The following LSP1 variants were observed in gnomAD, a reference collection of about 807,000 sequenced individuals.
LSP1 encodes lymphocyte-specific protein 1.
Under a neutral mutation model 49.3 loss-of-function variants are expected in LSP1, and 32 were observed. The observed-to-expected ratio is 0.65, with a 90% CI of 0.49 to 0.87. LSP1 has a LOEUF of 0.87. Among genes scored for constraint, LSP1 ranks in the 40% least tolerant of loss-of-function variants. LSP1 has a pLI of 0.00. For missense variants in LSP1, 428 were observed against 442.6 expected (o/e 0.97, Z 0.30); for synonymous variants, 179 against 178.8 (o/e 1.00, Z -0.01).
In LSP1 at chr11:1,857,357, G is replaced by A. The variant is rs555190701; in HGVS notation, c.53+4160G>A. 3.9e-5 allele frequency among the ~76,000 whole-genome samples: 6 copies of A among 152,340 alleles called. No individual in the cohort carries two copies. The East Asian group carries it at 1.2e-3, about 29-fold the overall frequency. On this transcript the variant is annotated intron_variant, in intron 1 of 10. Coordinates refer to ENST00000311604, the MANE Select transcript of LSP1 (RefSeq NM_002339.3). Reference sequence around the variant, plus strand: ...CCCTGGCCGGTGACACCCTGGGGTGGCAGGATGGTGGGCCTCTGCTCCGCT... The same window carrying A: ...CCCTGGCCGGTGACACCCTGGGGTGACAGGATGGTGGGCCTCTGCTCCGCT...
chr11:1,869,111 G>T, intron 1 of LSP1: 1 of 713,186 alleles, frequency 1.4e-6, no homozygotes, highest in Non-Finnish European at 1.7e-6. Flanking sequence ...TAGGGAGAAG[G>T]GTGAGGGGCT....
intron 4 of LSP1, 80 bp from the exon 5 acceptor site, chr11:1,883,852 A>G: frequency 1.5e-6 from 2 of 1,313,854 alleles, no homozygotes; most frequent in South Asian, 1.3e-5. Flanking sequence ...AAGGAACAGC[A>G]TTTGTTCCCA....
rs1055543915 is a variant in LSP1 at position 1,884,123 on chromosome 11, C to T, written c.591+99C>T. On this transcript the variant is annotated intron_variant, in intron 5 of 10. Transcript: ENST00000311604. This position sits in a 1 kb window ranked among gnomAD's most constrained non-coding sequence, Gnocchi z 4.1. The stretch of plus-strand genomic sequence containing the variant: ...CAGCCACAGGAAGACCAGGCCCAGG[C>T]CTGGCTTTTGTCTGCTATCCCCCCA... The T allele has an allele frequency of 2.7e-6, 4 of 1,465,230 alleles. No homozygotes were observed. The Admixed American group carries it at 5.2e-5, about 19-fold the overall frequency. 90.8% of individuals were successfully genotyped at this position (1,465,230 alleles called of 1,614,324 possible).
intron 1 of LSP1, chr11:1,868,841 C>T (rs1821066769): frequency 2.0e-6 from 2 of 985,874 alleles, no homozygotes; most frequent in Non-Finnish European, 2.4e-6. Context: ...CAGAGCTGGG[C>T]AGAGCGGCCA....
In LSP1 at chr11:1,883,496, C is replaced by T; in HGVS notation, c.434C>T (p.Pro145Leu). The change falls in exon 4 of 11, where the codon CCA becomes CTA. Residue 145 changes from proline (P) to leucine (L), a missense_variant. Transcript: ENST00000311604. Reference sequence around the variant, plus strand: ...GAGTTGAGTCTGAGCAAGGAGGGGCCAGGCCCAGAGGACACTGTCCAGGAC... The same window carrying T: ...GAGTTGAGTCTGAGCAAGGAGGGGCTAGGCCCAGAGGACACTGTCCAGGAC... ...LEELSLSKEG[P>L]GPEDTVQDNL... The T allele has an allele frequency of 6.2e-7, 1 of 1,614,000 alleles. No homozygotes were observed. Among genetic ancestry groups the T allele is most frequent in the Non-Finnish European group, 8.5e-7 (1 of 1,180,006 alleles).
chr11:1,859,194 G>T (rs931644408), intron 1 of LSP1, among the ~76,000 whole-genome samples: 1 of 152,126 alleles, frequency 6.6e-6, no homozygotes, highest in African/African-American at 2.4e-5. Flanking sequence ...AGACGCAGGG[G>T]CCTCTACACA....
intron 10 of LSP1, chr11:1,891,487 C>A (rs1205757810): frequency 6.6e-6 from 1 of 152,322 alleles, no homozygotes; most frequent in Non-Finnish European, 1.5e-5. Flanking sequence ...AACCCCAGTT[C>A]TAGCTCCCAG....
chr11:1,869,717 G>T (rs1163695233), intron 1 of LSP1: 1 of 470,772 alleles, frequency 2.1e-6, no homozygotes, highest in Non-Finnish European at 4.4e-6. Context: ...CTGGAGGAAC[G>T]CAGTGAGGCC....
At chr11:1,856,367 G>A (rs989247505) in intron 1 of LSP1, among the ~76,000 whole-genome samples, 13 of 152,242 alleles carry the variant, frequency 8.5e-5, no homozygotes, top group Non-Finnish European at 1.8e-4. Flanking sequence ...GCTCTTCCCA[G>A]TTTTGGAAGG....
At chr11:1,864,024 G>T (rs1193278516) in intron 1 of LSP1, 1 of 211,890 alleles carries the variant, frequency 4.7e-6, no homozygotes, top group African/African-American at 2.5e-5. Flanking sequence ...TGAACAAAGG[G>T]AAAGTGGAGA....
In LSP1 at chr11:1,876,965, C is replaced by T. The variant is rs543535248; in HGVS notation, c.54-3122C>T. The stretch of plus-strand genomic sequence containing the variant: ...TGGATGGAGCCCCCCCACCGCCTGG[C>T]CCCTTGGGCTGAACCTTGGGCTTCG... On this transcript the variant is annotated intron_variant, in intron 1 of 10. Transcript: ENST00000311604. 1.6e-3 allele frequency among the ~76,000 whole-genome samples: 250 copies of T among 152,312 alleles called. 1 individual carries two copies. Among genetic ancestry groups the T allele is most frequent in the Non-Finnish European group, 2.7e-3 (185 of 68,006 alleles).
chr11:1,861,986 G>A (rs1256502432), intron 1 of LSP1, among the ~76,000 whole-genome samples: 10 of 148,768 alleles, frequency 6.7e-5, no homozygotes, highest in Admixed American at 6.0e-4. Flanking sequence ...TAGATGGATG[G>A]GTGAATGGAT....
At position 1,884,345 on chromosome 11, in the gene LSP1, C is replaced by T. The variant is rs571028247; in HGVS notation, c.635+22C>T. 22 of 1,613,952 alleles carry T rather than the reference C, an allele frequency of 1.4e-5. No homozygotes were observed. In the South Asian group the frequency reaches 2.4e-4, roughly 18 times the overall value. ...AGAGGTCTGTCTGTCTGTCTGTCTGCTTTCTGGGCTCAGATCTTAGGTTTA... is the reference window on the plus strand; with the variant it reads ...AGAGGTCTGTCTGTCTGTCTGTCTGTTTTCTGGGCTCAGATCTTAGGTTTA... On this transcript the variant is annotated intron_variant, in intron 6 of 10. Transcript: ENST00000311604. This position sits in a 1 kb window ranked among gnomAD's most constrained non-coding sequence, Gnocchi z 4.1.
At chr11:1,863,297 A>G (rs1229787279) in intron 1 of LSP1, 1 of 152,078 alleles carries the variant, frequency 6.6e-6, no homozygotes, top group East Asian at 1.9e-4. Flanking sequence ...CGCAACCCCA[A>G]CTCCCTGGCC....
chr11:1,868,666 C>T, intron 1 of LSP1: 1 of 985,796 alleles, frequency 1.0e-6, no homozygotes, highest in South Asian at 4.7e-5. Context: ...TAGCCCCCGC[C>T]CTGGCAGGGC....
At chr11:1,858,611 G>C (rs2133056723) in intron 1 of LSP1, among the ~76,000 whole-genome samples, 1 of 152,366 alleles carries the variant, frequency 6.6e-6, no homozygotes, top group South Asian at 2.1e-4. Context: ...CTGTGGACGA[G>C]GCTGTATTGA....
At chr11:1,883,834 G>A (rs1848647748) in intron 4 of LSP1, 98 bp from the exon 5 acceptor site, 14 of 1,187,536 alleles carry the variant, frequency 1.2e-5, no homozygotes, top group Non-Finnish European at 1.5e-5. Flanking sequence ...GAGAACCTGG[G>A]GCTCAGGAAG....
chr11:1,878,874 G>C (rs1290915469), intron 1 of LSP1, among the ~76,000 whole-genome samples: 7 of 152,120 alleles, frequency 4.6e-5, no homozygotes, highest in African/African-American at 1.7e-4. Flanking sequence ...AGCTGAGGCT[G>C]CGGTGTCTGC....
intron 1 of LSP1, among the ~76,000 whole-genome samples, chr11:1,859,074 C>T (rs757537674): frequency 1.3e-5 from 2 of 152,204 alleles, no homozygotes; most frequent in Non-Finnish European, 2.9e-5. Context: ...ACATGGGCCC[C>T]TGACCTCAGT....
Sources: gnomAD v4.1 joint callset for allele counts (sites outside exome capture counted in the v4.1 genomes callset) on GRCh38, gnomAD v4.1.1 for gene constraint, Gnocchi (gnomAD v3.1) non-coding constraint, MANE v1.5 for transcripts, NCBI Gene and HGNC (gene_info 2026-07-23, HGNC 2026-07-21) for gene names.